KCNIP4: variants seen among roughly 807,000 people sequenced by gnomAD.
KCNIP4 encodes Kv channel-interacting protein 4.
Under a neutral mutation model 34.0 loss-of-function variants are expected in KCNIP4, and 12 were observed. The ratio of observed to expected loss-of-function variants is 0.35; its 90% CI spans 0.23 to 0.57. KCNIP4 has a LOEUF of 0.57. Ranked by LOEUF, KCNIP4 falls within the 20% of genes least tolerant of loss-of-function variation. The probability of loss-of-function intolerance (pLI) is 0.83; values close to 1 mark genes in which losing one functional copy is unlikely to be tolerated. For missense variants in KCNIP4, 238 were observed against 311.7 expected (o/e 0.76, Z 1.78); for synonymous variants, 124 against 102.2 (o/e 1.21, Z -1.29).
chr4:20,776,153 T>C (rs923629520), intron 3 of KCNIP4, among the ~76,000 whole-genome samples: 4 of 152,216 alleles, frequency 2.6e-5, no homozygotes, highest in Admixed American at 6.5e-5. Context: ...GAAGGTATTA[T>C]TTCAATCAGC....
At chr4:21,945,649 A>G (rs1462770598) in intron 1 of KCNIP4, among the ~76,000 whole-genome samples, 6 of 152,022 alleles carry the variant, frequency 3.9e-5, no homozygotes, top group Non-Finnish European at 8.8e-5. Context: ...TCTAAGTTAG[A>G]TGGCACAAAT....
chr4:21,012,972 T>G (rs1437089866), intron 1 of KCNIP4, among the ~76,000 whole-genome samples: 2 of 152,110 alleles, frequency 1.3e-5, no homozygotes, highest in Non-Finnish European at 2.9e-5. Flanking sequence ...AGAATTACAG[T>G]AATTTGGGGG....
At chr4:21,802,747 AG>A (rs975019962) in intron 1 of KCNIP4, among the ~76,000 whole-genome samples, 1 of 152,190 alleles carries the variant, frequency 6.6e-6, no homozygotes, top group African/African-American at 2.4e-5. Flanking sequence ...TTAATAAAAA[AG>A]CACAAAAATA....
At chr4:21,670,224 T>C (rs1056275849) in intron 1 of KCNIP4, among the ~76,000 whole-genome samples, 3 of 151,862 alleles carry the variant, frequency 2.0e-5, no homozygotes, top group Non-Finnish European at 2.9e-5. Flanking sequence ...ACTTAGAGAA[T>C]AAAAACAATC....
At chr4:21,885,049 T>A (rs1358095506) in intron 1 of KCNIP4, among the ~76,000 whole-genome samples, 1 of 152,110 alleles carries the variant, frequency 6.6e-6, no homozygotes, top group Admixed American at 6.6e-5. Flanking sequence ...TTCCTTATGT[T>A]CCACTTTGAC....
chr4:21,522,509 T>A (rs1735626834), intron 1 of KCNIP4, among the ~76,000 whole-genome samples: 1 of 151,976 alleles, frequency 6.6e-6, no homozygotes, highest in Non-Finnish European at 1.5e-5. Flanking sequence ...TAAATGTGCA[T>A]GCCACCACAC....
chr4:21,350,520 T>C (rs930091298), intron 1 of KCNIP4, among the ~76,000 whole-genome samples: 12 of 152,158 alleles, frequency 7.9e-5, no homozygotes, highest in Admixed American at 7.9e-4. Context: ...CCAGTATGAA[T>C]GGTGAATGTA....
At chr4:21,844,497 T>G (rs979820773) in intron 1 of KCNIP4, 1 of 152,090 alleles carries the variant, frequency 6.6e-6, no homozygotes, top group African/African-American at 2.4e-5. Flanking sequence ...AGCACTCTTT[T>G]CTTTGCCTCT....
At position 21,463,546 on chromosome 4, in the gene KCNIP4, T is replaced by A. The variant is rs1577401621; in HGVS notation, c.61+485025A>T. On this transcript the variant is annotated intron_variant, in intron 1 of 8. Transcript: ENST00000382152. The stretch of plus-strand genomic sequence containing the variant: ...GGTTTCTTTCACTTAGTATAATATT[T>A]TTCAAGGTTCAACAATGTTGTAGCA... Among the ~76,000 whole-genome samples the A allele has an allele frequency of 2.0e-5, 3 of 152,184 alleles. No individual in the cohort carries two copies. The South Asian group carries it at 6.2e-4, about 32-fold the overall frequency.
chr4:21,501,992 C>T (rs1049340244), intron 1 of KCNIP4, among the ~76,000 whole-genome samples: 17 of 95,818 alleles, frequency 1.8e-4, no homozygotes, highest in South Asian at 8.1e-4. Flanking sequence ...CTCATGCACA[C>T]GCACACACAC....
chr4:20,764,963 C>T (rs960099492), intron 3 of KCNIP4, among the ~76,000 whole-genome samples: 1 of 152,120 alleles, frequency 6.6e-6, no homozygotes, highest in Non-Finnish European at 1.5e-5. Flanking sequence ...CTTTCATCAA[C>T]CCTGAAAGGT....
At chr4:21,643,863 ATGATGATGAT>A (rs1746802096) in intron 1 of KCNIP4, among the ~76,000 whole-genome samples, 1 of 114,528 alleles carries the variant, frequency 8.7e-6, no homozygotes, top group African/African-American at 3.6e-5. Flanking sequence ...ATAGGTGATG[ATGATGATGAT>A]AGATAGATAG....
rs1264910321 is a variant in KCNIP4, at chr4:20,748,947, T to C, written c.429+715A>G. 3.3e-5 allele frequency among the ~76,000 whole-genome samples: 5 copies of C among 150,868 alleles called. No individual in the cohort carries two copies. In the East Asian group the frequency reaches 9.7e-4, roughly 29 times the overall value. On this transcript the variant is annotated intron_variant, in intron 5 of 8. Coordinates refer to ENST00000382152, the MANE Select transcript of KCNIP4 (RefSeq NM_025221.6). ...TACATATATAAGCTATGTAAATATC[T>C]AGGACATTTTATTTTACTAGGTGTT... is the stretch of plus-strand genomic sequence containing the variant.
At chr4:21,478,820 ATTTTACTAG>A (rs1241466327) in intron 1 of KCNIP4, among the ~76,000 whole-genome samples, 3 of 152,114 alleles carry the variant, frequency 2.0e-5, no homozygotes, top group Non-Finnish European at 2.9e-5. Flanking sequence ...GATGGAGAGC[ATTTTACTAG>A]TATGTTCTTT....
At chr4:21,150,551 A>T (rs1169452837) in intron 1 of KCNIP4, among the ~76,000 whole-genome samples, 1 of 152,214 alleles carries the variant, frequency 6.6e-6, no homozygotes, top group African/African-American at 2.4e-5. Flanking sequence ...TTGGGTGATT[A>T]TGTGTGTGTT....
chr4:20,802,274 G>GCTATATATATATGCTATATATATT (rs1714418054), intron 3 of KCNIP4, among the ~76,000 whole-genome samples: 1 of 94,996 alleles, frequency 1.1e-5, no homozygotes, highest in African/African-American at 3.5e-5. Context: ...CTATATATAT[G>GCTATATATATATGCTATATATATT]CTATATATAT....
At chr4:21,743,337 C>T (rs537728702) in intron 1 of KCNIP4, among the ~76,000 whole-genome samples, 1 of 152,142 alleles carries the variant, frequency 6.6e-6, no homozygotes, top group Non-Finnish European at 1.5e-5. Flanking sequence ...CCTGTTCATC[C>T]TCAAAACCAG....
intron 1 of KCNIP4, among the ~76,000 whole-genome samples, chr4:21,494,468 G>A (rs1732672183): frequency 6.6e-6 from 1 of 152,000 alleles, no homozygotes; most frequent in Non-Finnish European, 1.5e-5. Context: ...AAATCTGAAA[G>A]TTTATATAAA....
chr4:21,284,790 T>C (rs1763005983), intron 1 of KCNIP4, among the ~76,000 whole-genome samples: 1 of 151,514 alleles, frequency 6.6e-6, no homozygotes, highest in Admixed American at 6.6e-5. Flanking sequence ...TTGGCTGTAG[T>C]TACCCAAAAG....
Sources: allele counts gnomAD v4.1 joint callset (sites outside exome capture counted in the v4.1 genomes callset), GRCh38; gene constraint gnomAD v4.1.1; transcripts MANE v1.5; gene names NCBI Gene and HGNC (gene_info 2026-07-23, HGNC 2026-07-21).